DNAH17: variants seen among roughly 807,000 people sequenced by gnomAD.
DNAH17 encodes dynein axonemal heavy chain 17.
In DNAH17, 376 loss-of-function variants were observed where a neutral mutation model predicts 485.6. That is an observed-to-expected ratio of 0.77 (90% CI 0.71 to 0.84). The LOEUF (loss-of-function observed/expected upper bound fraction) is 0.84. Ranked by LOEUF, DNAH17 falls within the 40% of genes least tolerant of loss-of-function variation. The pLI is 0.00. For missense variants in DNAH17, 6,370 were observed against 5,839.3 expected (o/e 1.09, Z -2.96); for synonymous variants, 3,031 against 2,405.9 (o/e 1.26, Z -7.60).
rs373283400 is a variant in DNAH17, at chr17:78,515,041, G to A, written c.3865-19C>T. On this transcript the variant is annotated intron_variant, in intron 25 of 80. Transcript: ENST00000389840. ...TATTTACCTGAAACGAAAACATCCC[G>A]TTTCTCCTTCCACTCTCATCAAGGA... 1.4e-4 allele frequency: 223 copies of A among 1,611,882 alleles called. 1 individual carries two copies. The highest frequency in any genetic ancestry group is 1.7e-4 in the Non-Finnish European group (200 of 1,178,322).
intron 71 of DNAH17, among the ~76,000 whole-genome samples, chr17:78,442,805 T>G (rs1464537223): frequency 6.6e-6 from 1 of 152,152 alleles, no homozygotes; most frequent in Non-Finnish European, 1.5e-5. Context: ...GTTGCGCACG[T>G]GGGGGTGGCC....
intron 37 of DNAH17, among the ~76,000 whole-genome samples, 161 bp from the exon 38 acceptor site, chr17:78,496,193 T>C (rs2090063794): frequency 6.6e-6 from 1 of 151,930 alleles, no homozygotes; most frequent in Non-Finnish European, 1.5e-5. Flanking sequence ...TTTGAGAAAG[T>C]TGTAGATTTG....
intron 14 of DNAH17, among the ~76,000 whole-genome samples, chr17:78,553,672 A>G (rs2091959476): frequency 6.6e-6 from 1 of 152,090 alleles, no homozygotes; most frequent in South Asian, 2.1e-4. Context: ...ACACTCCACA[A>G]TTTTTAGAAT....
chr17:78,451,412 G>A, intron 66 of DNAH17, 57 bp downstream of exon 66: 5 of 1,510,234 alleles, frequency 3.3e-6, no homozygotes, highest in South Asian at 1.3e-5. Context: ...ACAGTGACCT[G>A]GCCCCCTCTG....
Position 78,526,882 on chromosome 17 carries a change from C to G in DNAH17, c.3622G>C (p.Glu1208Gln), listed in dbSNP as rs369807085. ...SILRRKCQQFELKQHEFRERF... is the reference protein window; with the variant it reads ...SILRRKCQQFQLKQHEFRERF... ...CCACCCTGCCCCAGGTATAATACCT[C>G]GAATTGCTGGCATTTCCGCCGCAGG... The change falls in exon 23 of 81, where the codon GAG becomes CAG. Residue 1208 changes from glutamate to glutamine, a missense_variant and splice_region_variant. Physicochemically the swap from Glu to Gln is conservative, Grantham distance 29. Transcript: ENST00000389840. 1.9e-6 allele frequency: 3 copies of G among 1,570,894 alleles called. No homozygotes were observed. In the African/African-American group the frequency reaches 4.1e-5, roughly 21 times the overall value.
chr17:78,455,547 G>A, intron 63 of DNAH17, 97 bp downstream of exon 63: 1 of 904,668 alleles, frequency 1.1e-6, no homozygotes, highest in Non-Finnish European at 1.6e-6. Flanking sequence ...GGCTGCTCAT[G>A]AACTCCTGGC....
intron 71 of DNAH17, among the ~76,000 whole-genome samples, chr17:78,444,309 T>C (rs149747291): frequency 1.3e-5 from 2 of 152,168 alleles, no homozygotes; most frequent in Non-Finnish European, 2.9e-5. Flanking sequence ...CCCTCCTCAG[T>C]CAGGTTAGCG....
At chr17:78,546,174 C>G (rs1003681155) in intron 16 of DNAH17, among the ~76,000 whole-genome samples, 2 of 152,152 alleles carry the variant, frequency 1.3e-5, no homozygotes, top group African/African-American at 4.8e-5. Flanking sequence ...AATACTCCTG[C>G]TTGGGCTTCC....
At chr17:78,479,214 G>T in intron 50 of DNAH17, 98 bp from the exon 51 acceptor site, 1 of 1,224,344 alleles carries the variant, frequency 8.2e-7, no homozygotes, top group South Asian at 1.4e-5. Context: ...ACGAAATGGT[G>T]ACAACTGGAG....
At position 78,526,862 on chromosome 17, in the gene DNAH17, C is replaced by T. The variant is rs1241777968; in HGVS notation, c.3624+18G>A. The stretch of plus-strand genomic sequence containing the variant: ...GCTGCTCCCCGGAAATCCCGCCACC[C>T]TGCCCCAGGTATAATACCTCGAATT... On this transcript the variant is annotated intron_variant, in intron 23 of 80. Transcript: ENST00000389840. 5.1e-6 allele frequency: 8 copies of T among 1,561,798 alleles called. No individual in the cohort carries two copies. The highest frequency in any genetic ancestry group is 6.9e-6 in the Non-Finnish European group (8 of 1,151,744).
At chr17:78,457,579 A>G (rs1034340897) in intron 62 of DNAH17, among the ~76,000 whole-genome samples, 2 of 148,724 alleles carry the variant, frequency 1.3e-5, no homozygotes, top group South Asian at 2.1e-4. Context: ...GGGTGTCACT[A>G]TGTTGCTCAG....
intron 80 of DNAH17, chr17:78,424,457 TA>T (rs2086318158): frequency 5.7e-6 from 2 of 349,070 alleles, no homozygotes; most frequent in African/African-American, 4.1e-5. Flanking sequence ...CAGGAAGTCA[TA>T]ACTCCAGCTA....
rs2089999784 is a variant in DNAH17, at chr17:78,494,648, C to T, written c.6215G>A (p.Gly2072Glu). Residue 2072 changes from glycine to glutamate, a missense_variant, in exon 40 of 81, where the codon GGG becomes GAG. Gly to Glu is a moderately conservative substitution (Grantham distance 98). Coordinates refer to ENST00000389840, the MANE Select transcript of DNAH17 (RefSeq NM_173628.4). Reference protein sequence around the residue: ...DDLPVFMGLIGDLFPALDVPR... With the variant: ...DDLPVFMGLIEDLFPALDVPR... ...CACGTCCAGAGCCGGGAAGAGGTCC[C>T]CGATCAGTCCCATGAATACGGGCAG... 2.5e-6 allele frequency: 4 copies of T among 1,613,820 alleles called. No homozygotes were observed. The African/African-American group carries it at 4.0e-5, about 16-fold the overall frequency.
At chr17:78,494,925 C>T in intron 39 of DNAH17, 34 bp downstream of exon 39, 2 of 1,595,172 alleles carry the variant, frequency 1.3e-6, no homozygotes, top group South Asian at 1.1e-5. Context: ...CAAACTCCCA[C>T]CCACACCCGC....
At chr17:78,478,994 C>A (rs780749939) in intron 51 of DNAH17, 31 bp downstream of exon 51, 5 of 1,596,742 alleles carry the variant, frequency 3.1e-6, no homozygotes, top group Non-Finnish European at 2.6e-6. Flanking sequence ...GACCGTAAGG[C>A]AGGCATGACA....
intron 40 of DNAH17, 91 bp from the exon 41 acceptor site, chr17:78,494,264 G>T: frequency 2.0e-6 from 3 of 1,518,434 alleles, no homozygotes; most frequent in Non-Finnish European, 1.8e-6. Context: ...CCCCGTGGGG[G>T]AGATGATAAA....
intron 44 of DNAH17, among the ~76,000 whole-genome samples, chr17:78,490,318 G>C (rs73387126): frequency 1.3e-5 from 2 of 152,270 alleles, no homozygotes; most frequent in South Asian, 2.1e-4. Flanking sequence ...CCCTGTGAAC[G>C]CGGGTTCTTG....
intron 40 of DNAH17, 102 bp downstream of exon 40, chr17:78,494,491 C>G: frequency 7.7e-7 from 1 of 1,305,044 alleles, no homozygotes; most frequent in Non-Finnish European, 1.1e-6. Context: ...CATCGGGAAA[C>G]GTGCGTGTGT....
intron 44 of DNAH17, among the ~76,000 whole-genome samples, chr17:78,487,481 C>T (rs1342898756): frequency 6.6e-6 from 1 of 152,196 alleles, no homozygotes; most frequent in Non-Finnish European, 1.5e-5. Context: ...CCTGTTAACA[C>T]ACACAGCCAG....
Sources: gnomAD v4.1 joint callset for allele counts (sites outside exome capture counted in the v4.1 genomes callset) on GRCh38, gnomAD v4.1.1 for gene constraint, MANE v1.5 for transcripts, NCBI Gene and HGNC (gene_info 2026-07-23, HGNC 2026-07-21) for gene names.